The following RALGAPA1 variants were observed in gnomAD, a reference collection of about 807,000 sequenced individuals.
RALGAPA1 encodes ral GTPase-activating protein subunit alpha-1.
In RALGAPA1, 52 loss-of-function variants were observed where a neutral mutation model predicts 269.6. That is an observed-to-expected ratio of 0.19 (90% CI 0.15 to 0.24). The LOEUF (loss-of-function observed/expected upper bound fraction) is 0.24. Among genes scored for constraint, RALGAPA1 ranks in the 10% least tolerant of loss-of-function variants. RALGAPA1 has a pLI of 1.00. For missense variants in RALGAPA1, 1,917 were observed against 3,013.9 expected (o/e 0.64, Z 8.52); for synonymous variants, 817 against 1,008.3 (o/e 0.81, Z 3.60).
intron 4 of RALGAPA1, 48 bp from the exon 5 acceptor site, chr14:35,762,801 A>T: frequency 8.8e-7 from 1 of 1,140,578 alleles, no homozygotes; most frequent in South Asian, 1.2e-5. Flanking sequence ...TCTATTTGTA[A>T]ATGTCAGAGT....
intron 10 of RALGAPA1, among the ~76,000 whole-genome samples, chr14:35,745,934 T>G (rs1034739618): frequency 3.3e-5 from 5 of 151,532 alleles, no homozygotes; most frequent in Admixed American, 2.6e-4. Flanking sequence ...CAAAATAACT[T>G]TTAAAAATTA....
chr14:35,544,012 A>C (rs2054240165), intron 41 of RALGAPA1, among the ~76,000 whole-genome samples: 1 of 152,254 alleles, frequency 6.6e-6, no homozygotes, highest in East Asian at 1.9e-4. Flanking sequence ...GATACATTCA[A>C]GAACTACTAG....
chr14:35,801,639 T>C (rs1289723394), intron 1 of RALGAPA1, among the ~76,000 whole-genome samples: 3 of 152,176 alleles, frequency 2.0e-5, no homozygotes, highest in Non-Finnish European at 4.4e-5. Context: ...TTTGACAACT[T>C]AGATGAAATC....
intron 27 of RALGAPA1, 51 bp from the exon 28 acceptor site, chr14:35,659,247 C>A: frequency 1.5e-6 from 2 of 1,359,948 alleles, no homozygotes; most frequent in Non-Finnish European, 1.0e-6. Context: ...TTCACTCATT[C>A]ATTCTACAAA....
chr14:35,722,433 G>A (rs2069504306), intron 15 of RALGAPA1, among the ~76,000 whole-genome samples: 1 of 152,042 alleles, frequency 6.6e-6, no homozygotes, highest in Non-Finnish European at 1.5e-5. Flanking sequence ...GCAACATGGT[G>A]AAACCATGTC....
At chr14:35,673,829 G>A (rs551178499) in intron 24 of RALGAPA1, among the ~76,000 whole-genome samples, 10 of 152,140 alleles carry the variant, frequency 6.6e-5, no homozygotes, top group Admixed American at 4.6e-4. Flanking sequence ...TGATCCACCC[G>A]GCTCAGCCTC....
intron 1 of RALGAPA1, among the ~76,000 whole-genome samples, chr14:35,803,779 T>A (rs1010160224): frequency 1.3e-5 from 2 of 151,914 alleles, no homozygotes; most frequent in Non-Finnish European, 2.9e-5. Flanking sequence ...ATTACAGTCA[T>A]GTGCTATCAC....
At chr14:35,757,977 A>G (rs896208701) in intron 6 of RALGAPA1, among the ~76,000 whole-genome samples, 3 of 152,140 alleles carry the variant, frequency 2.0e-5, no homozygotes, top group Non-Finnish European at 4.4e-5. Flanking sequence ...GGCTGGGCGC[A>G]GTGGCTCACG....
chr14:35,749,776 G>A (rs1345577490), intron 9 of RALGAPA1, among the ~76,000 whole-genome samples: 2 of 152,056 alleles, frequency 1.3e-5, no homozygotes, highest in Non-Finnish European at 2.9e-5. Context: ...TCTGAATTCT[G>A]ATGAACTAAA....
At chr14:35,718,016 G>A (rs377381432) in intron 16 of RALGAPA1, among the ~76,000 whole-genome samples, 8 of 152,122 alleles carry the variant, frequency 5.3e-5, no homozygotes, top group East Asian at 3.9e-4. Flanking sequence ...CCTGGAATGC[G>A]CTTTCTCCAT....
chr14:35,784,446 C>T (rs2075665702), intron 1 of RALGAPA1, among the ~76,000 whole-genome samples: 1 of 152,096 alleles, frequency 6.6e-6, no homozygotes, highest in South Asian at 2.1e-4. Flanking sequence ...TATCTAATGG[C>T]TGGCAGGGGC....
intron 35 of RALGAPA1, among the ~76,000 whole-genome samples, chr14:35,619,150 A>G (rs149308180): frequency 6.6e-6 from 1 of 152,302 alleles, no homozygotes; most frequent in East Asian, 1.9e-4. Flanking sequence ...AAAGTGTAAT[A>G]TTTACACAAA....
chr14:35,584,231 C>T (rs2058129577), intron 37 of RALGAPA1, among the ~76,000 whole-genome samples: 1 of 151,862 alleles, frequency 6.6e-6, no homozygotes, highest in Non-Finnish European at 1.5e-5. Flanking sequence ...ATTAGGAATA[C>T]TTTGTTATTG....
chr14:35,595,892 C>A lies in RALGAPA1; in HGVS notation c.7054-103G>T, dbSNP rs954601139. On this transcript the variant is annotated intron_variant, in intron 36 of 41. Coordinates refer to ENST00000680220, the MANE Select transcript of RALGAPA1 (RefSeq NM_001346249.2). ...TTAAGAAAAAAATTGGGAACAAAGT[C>A]TTTTGCATGTTATCAACCAATATTT... 21 of 821,694 alleles carry A rather than the reference C, an allele frequency of 2.6e-5. No individual in the cohort carries two copies. In the African/African-American group the frequency reaches 3.1e-4, roughly 12 times the overall value. The allele number at this position is 821,694 out of a possible 1,614,324, so 50.9% of individuals were successfully genotyped here. A position where few individuals can be genotyped will look rare whatever the true frequency, so the allele number is the denominator to read the frequency against.
intron 8 of RALGAPA1, 121 bp from the exon 9 acceptor site, chr14:35,750,811 T>C: frequency 1.2e-6 from 1 of 843,048 alleles, no homozygotes; most frequent in African/African-American, 1.7e-5. Context: ...GAAGTAGCTT[T>C]AGCACAGAAA....
At chr14:35,539,798 C>T (rs2062254354) in intron 41 of RALGAPA1, 108 bp from the exon 42 acceptor site, 2 of 1,485,816 alleles carry the variant, frequency 1.3e-6, no homozygotes, top group Non-Finnish European at 1.8e-6. Context: ...TTAATAAGAT[C>T]TTTCGAGGGA....
At chr14:35,659,237 T>TTCAC in intron 27 of RALGAPA1, 41 bp from the exon 28 acceptor site, 1 of 1,407,138 alleles carries the variant, frequency 7.1e-7, no homozygotes, top group Non-Finnish European at 1.0e-6. Context: ...TGACTGAGAT[T>TTCAC]TCACTCATTC....
intron 37 of RALGAPA1, among the ~76,000 whole-genome samples, chr14:35,588,646 G>A (rs954703161): frequency 6.6e-6 from 1 of 152,170 alleles, no homozygotes; most frequent in African/African-American, 2.4e-5. Context: ...TTGTTACATA[G>A]GTAGTGGGAA....
intron 16 of RALGAPA1, among the ~76,000 whole-genome samples, chr14:35,715,455 G>T (rs1478057659): frequency 6.6e-6 from 1 of 151,776 alleles, no homozygotes; most frequent in Non-Finnish European, 1.5e-5. Flanking sequence ...TTATTTTATA[G>T]TCTGGTTATT....
Sources: allele counts gnomAD v4.1 joint callset (sites outside exome capture counted in the v4.1 genomes callset), GRCh38; gene constraint gnomAD v4.1.1; transcripts MANE v1.5; gene names NCBI Gene and HGNC (gene_info 2026-07-23, HGNC 2026-07-21).